The following ADAMTS6 variants were observed in gnomAD, a reference collection of about 807,000 sequenced individuals.
The protein encoded by ADAMTS6 is A disintegrin and metalloproteinase with thrombospondin motifs 6.
ADAMTS6 carries 23 observed loss-of-function variants against 144.3 expected under a neutral mutation model. The observed-to-expected ratio is 0.16, with a 90% confidence interval of 0.11 to 0.23. ADAMTS6 has a LOEUF of 0.23. Among genes scored for constraint, ADAMTS6 ranks in the 10% least tolerant of loss-of-function variants. ADAMTS6 has a pLI of 1.00. For synonymous variants in ADAMTS6, 444 were observed against 457.5 expected, an observed-to-expected ratio of 0.97 and a Z score of 0.38; for missense variants, 999 against 1,379.6, an observed-to-expected ratio of 0.72 and a Z score of 4.37.
chr5:65,354,818 T>C (rs1233290899), intron 7 of ADAMTS6, among the ~76,000 whole-genome samples: 1 of 151,822 alleles, frequency 6.6e-6, no homozygotes, highest in Non-Finnish European at 1.5e-5. Flanking sequence ...ATAATGTAAC[T>C]AATATCAAGC....
intron 24 of ADAMTS6, among the ~76,000 whole-genome samples, chr5:65,169,298 G>C (rs369055353): frequency 8.9e-6 from 1 of 112,872 alleles, no homozygotes; most frequent in Non-Finnish European, 1.8e-5. Context: ...CTCATCATCA[G>C]TGGCCATCAG....
chr5:65,273,106 C>T (rs368297660), intron 12 of ADAMTS6, among the ~76,000 whole-genome samples: 74 of 152,200 alleles, frequency 4.9e-4, no homozygotes, highest in African/African-American at 1.6e-3. Context: ...ATATAACATA[C>T]ATATACCAAA....
intron 9 of ADAMTS6, among the ~76,000 whole-genome samples, chr5:65,320,133 G>A (rs1359571078): frequency 2.0e-5 from 3 of 152,114 alleles, no homozygotes; most frequent in South Asian, 4.1e-4. Flanking sequence ...GTAAGCCATC[G>A]CGCCTGGCCA....
chr5:65,217,449 C>T (rs1757012981), intron 18 of ADAMTS6, among the ~76,000 whole-genome samples: 2 of 151,034 alleles, frequency 1.3e-5, no homozygotes, highest in Admixed American at 1.3e-4. Flanking sequence ...ACTAATGGTG[C>T]CATAATGTAG....
intron 1 of ADAMTS6, among the ~76,000 whole-genome samples, chr5:65,478,941 T>C (rs1222405623): frequency 6.6e-6 from 1 of 152,224 alleles, no homozygotes; most frequent in South Asian, 2.1e-4. Flanking sequence ...ATTTCCTCAG[T>C]AGTCTGCCCT....
chr5:65,321,294 T>C (rs1466279280), intron 9 of ADAMTS6, among the ~76,000 whole-genome samples: 1 of 152,242 alleles, frequency 6.6e-6, no homozygotes, highest in Non-Finnish European at 1.5e-5. Flanking sequence ...ATTTCTCTAA[T>C]TATCAGTGAT....
Position 65,309,983 on chromosome 5 carries a change from T to C in ADAMTS6, c.1224-9852A>G, listed in dbSNP as rs549689289. Among the ~76,000 whole-genome samples the C allele has an allele frequency of 4.6e-5, 7 of 152,138 alleles. No individual in the cohort carries two copies. In the East Asian group the frequency reaches 9.7e-4, roughly 21 times the overall value. On this transcript the variant is annotated intron_variant, in intron 9 of 24. Coordinates refer to ENST00000381055, the MANE Select transcript of ADAMTS6 (RefSeq NM_197941.4). The stretch of plus-strand genomic sequence containing the variant: ...CATGTCAAATTGTAATCCCCAGTGT[T>C]GCAGGTGGGGTGTGTTGGGAGGTGA...
chr5:65,275,496 A>G (rs940466960), intron 11 of ADAMTS6, among the ~76,000 whole-genome samples: 1 of 151,818 alleles, frequency 6.6e-6, no homozygotes, highest in Non-Finnish European at 1.5e-5. Flanking sequence ...ACTGTGGATC[A>G]TAACATAAAC....
At chr5:65,307,773 T>G (rs1168449498) in intron 9 of ADAMTS6, among the ~76,000 whole-genome samples, 1 of 152,146 alleles carries the variant, frequency 6.6e-6, no homozygotes, top group Non-Finnish European at 1.5e-5. Context: ...TAGGCTCTGG[T>G]CCTGTTTCTT....
Position 65,262,970 on chromosome 5 carries a change from A to G in ADAMTS6, c.1621-8T>C, listed in dbSNP as rs764555954. 1 of 1,613,772 alleles carries G rather than the reference A, an allele frequency of 6.2e-7. No homozygotes were observed. Among genetic ancestry groups the G allele is most frequent in the South Asian group, 1.1e-5 (1 of 91,066 alleles). On this transcript the variant is annotated splice_polypyrimidine_tract_variant and splice_region_variant and intron_variant, in intron 12 of 24. Coordinates refer to ENST00000381055, the MANE Select transcript of ADAMTS6 (RefSeq NM_197941.4). ...ATCTCCCTGATAACACCACTGCAAG[A>G]TTTCACAGAAAACACAGAATTAGCT...
At chr5:65,230,718 T>C (rs1225737357) in intron 15 of ADAMTS6, among the ~76,000 whole-genome samples, 1 of 97,364 alleles carries the variant, frequency 1.0e-5, no homozygotes, top group African/African-American at 4.3e-5. Flanking sequence ...ATATAACACA[T>C]ATGTATGAAA....
intron 15 of ADAMTS6, among the ~76,000 whole-genome samples, chr5:65,228,183 T>G (rs568450011): frequency 6.6e-6 from 1 of 152,312 alleles, no homozygotes; most frequent in South Asian, 2.1e-4. Flanking sequence ...CCCAATACAG[T>G]TCTTCTCTCA....
intron 22 of ADAMTS6, among the ~76,000 whole-genome samples, chr5:65,176,920 A>T (rs915151535): frequency 2.0e-5 from 3 of 152,248 alleles, no homozygotes; most frequent in African/African-American, 7.2e-5. Context: ...TCCACTGCTG[A>T]TGTCCCCACA....
intron 14 of ADAMTS6, among the ~76,000 whole-genome samples, chr5:65,255,791 A>G (rs913290630): frequency 4.6e-5 from 7 of 152,186 alleles, no homozygotes; most frequent in Non-Finnish European, 7.3e-5. Flanking sequence ...ATTTTGTCAG[A>G]ATAACCTAGT....
intron 20 of ADAMTS6, chr5:65,198,742 T>C (rs937452190): frequency 9.6e-5 from 16 of 166,056 alleles, no homozygotes; most frequent in African/African-American, 3.4e-4. Flanking sequence ...TCAAACAACT[T>C]ACTGGCAAAA....
intron 10 of ADAMTS6, among the ~76,000 whole-genome samples, chr5:65,293,824 G>T (rs979473851): frequency 7.2e-5 from 11 of 151,896 alleles, no homozygotes; most frequent in African/African-American, 2.7e-4. Context: ...TTAGTTCTCT[G>T]GAAGCACCTA....
chr5:65,248,331 C>G (rs562887283), intron 14 of ADAMTS6, among the ~76,000 whole-genome samples: 5 of 151,914 alleles, frequency 3.3e-5, no homozygotes, highest in Non-Finnish European at 7.4e-5. Flanking sequence ...CAAAAGAAAA[C>G]AAGGGCAGAT....
intron 7 of ADAMTS6, among the ~76,000 whole-genome samples, chr5:65,355,687 A>G (rs1471186309): frequency 6.6e-6 from 1 of 151,860 alleles, no homozygotes; most frequent in African/African-American, 2.4e-5. Context: ...TAAACAAAGG[A>G]ACTAAAGCAT....
intron 7 of ADAMTS6, among the ~76,000 whole-genome samples, chr5:65,362,098 C>T (rs1268520296): frequency 1.1e-4 from 16 of 152,146 alleles, no homozygotes; most frequent in Admixed American, 1.0e-3. Context: ...TGGTAGTATA[C>T]CTGAAGGAAT....
Sources: allele counts gnomAD v4.1 joint callset (sites outside exome capture counted in the v4.1 genomes callset), GRCh38; gene constraint gnomAD v4.1.1; transcripts MANE v1.5; gene names NCBI Gene and HGNC (gene_info 2026-07-23, HGNC 2026-07-21).